The following NRG3 variants were observed in gnomAD, a reference collection of about 807,000 sequenced individuals.
NRG3 encodes neuregulin 3.
In NRG3, 31 loss-of-function variants were observed where a neutral mutation model predicts 66.9. The ratio of observed to expected loss-of-function variants is 0.46; its 90% CI spans 0.35 to 0.63. The LOEUF (loss-of-function observed/expected upper bound fraction) is 0.63. NRG3 is among the 20% of genes least tolerant of loss of function. NRG3 has a pLI of 0.00. For missense variants in NRG3, 910 were observed against 878.9 expected, an observed-to-expected ratio of 1.04 and a Z score of -0.45; for synonymous variants, 393 against 359.4, an observed-to-expected ratio of 1.09 and a Z score of -1.06.
intron 1 of NRG3, among the ~76,000 whole-genome samples, chr10:81,953,588 G>T (rs1347168034): frequency 6.6e-6 from 1 of 152,144 alleles, no homozygotes; most frequent in Non-Finnish European, 1.5e-5. Context: ...TCACATTACA[G>T]AACATTTAAA....
intron 2 of NRG3, among the ~76,000 whole-genome samples, chr10:82,656,133 G>T (rs2051831955): frequency 6.6e-6 from 1 of 152,046 alleles, no homozygotes. Flanking sequence ...ACAAGTTCAT[G>T]TATTACTTTT....
intron 5 of NRG3, among the ~76,000 whole-genome samples, chr10:82,957,968 C>A (rs1052736090): frequency 6.6e-6 from 1 of 151,558 alleles, no homozygotes; most frequent in African/African-American, 2.4e-5. Context: ...TAGATGATTT[C>A]TGTGAAGCTT....
At chr10:82,555,775 T>G (rs584702) in intron 2 of NRG3, among the ~76,000 whole-genome samples, 31,691 of 152,176 alleles carry the variant, frequency 0.21, 4,567 homozygotes, top group African/African-American at 0.41. Context: ...ATCCCTTTCT[T>G]AAATGGTCAT....
At chr10:82,628,478 A>T (rs1239924506) in intron 2 of NRG3, among the ~76,000 whole-genome samples, 1 of 152,174 alleles carries the variant, frequency 6.6e-6, no homozygotes, top group Non-Finnish European at 1.5e-5. Context: ...AACTAGAAGC[A>T]ATTTAGAAAC....
intron 5 of NRG3, among the ~76,000 whole-genome samples, chr10:82,958,142 A>T (rs1305530691): frequency 6.6e-6 from 1 of 152,202 alleles, no homozygotes; most frequent in Non-Finnish European, 1.5e-5. Flanking sequence ...CGGTGGGACC[A>T]TGAGCACATG....
intron 2 of NRG3, among the ~76,000 whole-genome samples, chr10:82,390,000 A>G (rs2086245835): frequency 6.6e-6 from 1 of 152,162 alleles, no homozygotes; most frequent in South Asian, 2.1e-4. Flanking sequence ...TTGAATCTCC[A>G]CTCAGTCAAA....
At chr10:82,859,290 C>T (rs2063984999) in intron 3 of NRG3, 2 of 152,208 alleles carry the variant, frequency 1.3e-5, no homozygotes, top group South Asian at 4.1e-4. Flanking sequence ...TTTCCTGGAA[C>T]ATGCTTTTCC....
chr10:82,783,084 A>G (rs1368067870), intron 3 of NRG3, among the ~76,000 whole-genome samples: 4 of 152,240 alleles, frequency 2.6e-5, no homozygotes, highest in South Asian at 4.1e-4. Context: ...AATCCAGCAT[A>G]TAAACAGAAC....
At chr10:82,971,230 T>G (rs55791938) in intron 6 of NRG3, among the ~76,000 whole-genome samples, 1 of 152,076 alleles carries the variant, frequency 6.6e-6, no homozygotes. Context: ...ATCTCCAAAA[T>G]TGGGGATGAA....
chr10:82,748,944 G>T (rs923077613), intron 3 of NRG3, among the ~76,000 whole-genome samples: 3 of 151,896 alleles, frequency 2.0e-5, no homozygotes, highest in African/African-American at 7.3e-5. Context: ...TGAGAGAATC[G>T]CTTTCCCATA....
chr10:82,941,883 A>G (rs1848601905), intron 4 of NRG3, among the ~76,000 whole-genome samples: 1 of 152,200 alleles, frequency 6.6e-6, no homozygotes, highest in Non-Finnish European at 1.5e-5. Context: ...TGACTATAAG[A>G]GTAATCATGC....
chr10:82,576,612 G>A (rs117590648), intron 2 of NRG3, among the ~76,000 whole-genome samples: 63 of 151,852 alleles, frequency 4.1e-4, no homozygotes, highest in Non-Finnish European at 6.8e-4. Context: ...ATTGGATTCA[G>A]CATAGTTACT....
chr10:82,924,490 C>T (rs1846782001), intron 4 of NRG3, among the ~76,000 whole-genome samples: 1 of 151,450 alleles, frequency 6.6e-6, no homozygotes, highest in African/African-American at 2.4e-5. Flanking sequence ...GGAAGCAAAT[C>T]AGACACATTC....
chr10:82,557,611 G>A (rs895477298), intron 2 of NRG3, among the ~76,000 whole-genome samples: 11 of 152,012 alleles, frequency 7.2e-5, no homozygotes, highest in African/African-American at 2.4e-4. Context: ...TTCTTTTGCT[G>A]TGCAGAAGCT....
chr10:82,227,574 C>T (rs1465513189), intron 1 of NRG3, among the ~76,000 whole-genome samples: 1 of 151,972 alleles, frequency 6.6e-6, no homozygotes, highest in Admixed American at 6.6e-5. Flanking sequence ...ACTGATGATT[C>T]CATCTGAATA....
intron 1 of NRG3, among the ~76,000 whole-genome samples, chr10:81,952,742 T>G (rs934874975): frequency 6.6e-6 from 1 of 152,112 alleles, no homozygotes. Flanking sequence ...TACTTGGGAC[T>G]AAAGGTGTGC....
intron 1 of NRG3, among the ~76,000 whole-genome samples, chr10:82,078,432 G>T (rs1488191403): frequency 6.6e-6 from 1 of 152,082 alleles, no homozygotes; most frequent in Non-Finnish European, 1.5e-5. Context: ...CTCACTGCAA[G>T]CTCCGCCTCC....
At chr10:82,676,260 A>G (rs1422655732) in intron 2 of NRG3, among the ~76,000 whole-genome samples, 1 of 152,174 alleles carries the variant, frequency 6.6e-6, no homozygotes, top group Non-Finnish European at 1.5e-5. Context: ...TTCATTAATA[A>G]TCATAAGCTA....
chr10:82,281,356 T>C (rs1393902492), intron 1 of NRG3, among the ~76,000 whole-genome samples: 1 of 152,088 alleles, frequency 6.6e-6, no homozygotes, highest in Non-Finnish European at 1.5e-5. Flanking sequence ...GGATAGGAAC[T>C]TACTAGAACA....
Sources: allele counts gnomAD v4.1 joint callset (sites outside exome capture counted in the v4.1 genomes callset), GRCh38; gene constraint gnomAD v4.1.1; transcripts MANE v1.5; gene names NCBI Gene and HGNC (gene_info 2026-07-23, HGNC 2026-07-21).